RIMS1: variants seen among roughly 807,000 people sequenced by gnomAD.
The protein encoded by RIMS1 is regulating synaptic membrane exocytosis protein 1.
RIMS1 carries 83 observed loss-of-function variants against 214.1 expected under a neutral mutation model. The observed-to-expected ratio is 0.39, with a 90% CI of 0.32 to 0.47. The LOEUF is 0.47. Among genes scored for constraint, RIMS1 ranks in the 20% least tolerant of loss-of-function variants. The probability of loss-of-function intolerance (pLI) is 0.99; values close to 1 mark genes in which losing one functional copy is unlikely to be tolerated. For missense variants in RIMS1, 2,050 were observed against 2,161.8 expected (o/e 0.95, Z 1.03); for synonymous variants, 793 against 786.8 (o/e 1.01, Z -0.13).
intron 4 of RIMS1, among the ~76,000 whole-genome samples, chr6:72,105,107 A>T (rs1041766736): frequency 9.9e-5 from 15 of 151,914 alleles, no homozygotes; most frequent in African/African-American, 2.2e-4. Flanking sequence ...ATTTTTTTTT[A>T]AATTTTTGTA....
intron 2 of RIMS1, among the ~76,000 whole-genome samples, chr6:72,024,640 C>T (rs1815775608): frequency 6.6e-6 from 1 of 152,150 alleles, no homozygotes; most frequent in South Asian, 2.1e-4. Flanking sequence ...ATAATATCTC[C>T]ACCAGCTTTC....
chr6:72,231,563 A>G (rs1004526720), intron 6 of RIMS1, among the ~76,000 whole-genome samples: 1 of 151,678 alleles, frequency 6.6e-6, no homozygotes, highest in Admixed American at 6.6e-5. Flanking sequence ...TTATTACGGG[A>G]TACTGTATGA....
chr6:72,074,568 G>A (rs992470632), intron 2 of RIMS1, among the ~76,000 whole-genome samples: 6 of 152,178 alleles, frequency 3.9e-5, no homozygotes, highest in Admixed American at 3.3e-4. Context: ...AGGAGGCTGA[G>A]GTGGTAGAAT....
chr6:71,907,932 A>T (rs1775745957), intron 1 of RIMS1, among the ~76,000 whole-genome samples: 1 of 152,224 alleles, frequency 6.6e-6, no homozygotes, highest in Non-Finnish European at 1.5e-5. Context: ...GGATTTGGGT[A>T]ACCCTGAGAA....
intron 1 of RIMS1, among the ~76,000 whole-genome samples, chr6:71,904,461 A>G (rs906117066): frequency 6.6e-6 from 1 of 152,096 alleles, no homozygotes; most frequent in Non-Finnish European, 1.5e-5. Context: ...TGCCTGGGGA[A>G]GAGGATCTAG....
At chr6:72,231,396 A>G (rs2061915458) in intron 6 of RIMS1, among the ~76,000 whole-genome samples, 1 of 151,764 alleles carries the variant, frequency 6.6e-6, no homozygotes. Flanking sequence ...GTATAATTGT[A>G]TACTAAAATA....
chr6:72,252,899 G>A (rs796419629), intron 16 of RIMS1, 67 bp downstream of exon 16: 19 of 1,206,910 alleles, frequency 1.6e-5, no homozygotes, highest in African/African-American at 7.5e-5. Flanking sequence ...GTCAGCTTCC[G>A]GACCTCTTTA....
At chr6:72,086,527 G>A (rs1834699190) in intron 2 of RIMS1, among the ~76,000 whole-genome samples, 1 of 152,106 alleles carries the variant, frequency 6.6e-6, no homozygotes, top group African/African-American at 2.4e-5. Flanking sequence ...TAAACAACTT[G>A]TATTTATAAT....
At chr6:72,192,342 G>T (rs1224015463) in intron 6 of RIMS1, among the ~76,000 whole-genome samples, 3 of 152,138 alleles carry the variant, frequency 2.0e-5, no homozygotes, top group Non-Finnish European at 2.9e-5. Context: ...TAAAAGGCTG[G>T]AGGTCTCCCT....
chr6:72,259,116 T>A lies in RIMS1; in HGVS notation c.3053+5T>A. The A allele has an allele frequency of 6.2e-7, 1 of 1,610,532 alleles. No individual in the cohort carries two copies. Among genetic ancestry groups the A allele is most frequent in the Non-Finnish European group, 8.5e-7 (1 of 1,177,752 alleles). ...GTATTTATCAGAACAAGACAGGTAT[T>A]TGTCAAAATTATGATCTCAACGTTA... On this transcript the variant is annotated splice_donor_5th_base_variant and intron_variant, in intron 18 of 33. Transcript: ENST00000521978.
intron 2 of RIMS1, among the ~76,000 whole-genome samples, chr6:72,054,109 G>A (rs1825477738): frequency 6.6e-6 from 1 of 151,528 alleles, no homozygotes; most frequent in East Asian, 2.0e-4. Flanking sequence ...CCTGGTATGT[G>A]TTGTTCCCCT....
chr6:72,299,400 G>A (rs1455163861), intron 26 of RIMS1, among the ~76,000 whole-genome samples: 1 of 151,730 alleles, frequency 6.6e-6, no homozygotes, highest in Non-Finnish European at 1.5e-5. Flanking sequence ...TTATTTATAG[G>A]AACAAAGTAA....
intron 2 of RIMS1, among the ~76,000 whole-genome samples, chr6:72,068,687 A>G (rs1401210695): frequency 2.6e-5 from 4 of 151,854 alleles, no homozygotes; most frequent in African/African-American, 9.7e-5. Flanking sequence ...ACTTTGGGAG[A>G]CTGAGGCGGG....
At chr6:72,301,605 T>A (rs944681760) in intron 26 of RIMS1, among the ~76,000 whole-genome samples, 2 of 151,632 alleles carry the variant, frequency 1.3e-5, no homozygotes, top group Non-Finnish European at 3.0e-5. Flanking sequence ...GAGATTTTTT[T>A]AAGTTGTAAG....
intron 1 of RIMS1, among the ~76,000 whole-genome samples, chr6:71,945,196 C>G (rs1162672534): frequency 1.3e-5 from 2 of 152,122 alleles, no homozygotes; most frequent in Admixed American, 1.3e-4. Context: ...GAGCCAGTAA[C>G]AGCAGAGGAC....
At chr6:72,364,812 C>T (rs905774834) in intron 29 of RIMS1, among the ~76,000 whole-genome samples, 9 of 152,136 alleles carry the variant, frequency 5.9e-5, no homozygotes, top group East Asian at 5.8e-4. Flanking sequence ...TTCCTCTGAG[C>T]GTGAGGAAAT....
intron 2 of RIMS1, among the ~76,000 whole-genome samples, chr6:72,056,640 G>C (rs530171851): frequency 2.0e-5 from 3 of 152,220 alleles, no homozygotes; most frequent in South Asian, 4.2e-4. Flanking sequence ...AGCCCTATGA[G>C]TGCTGCATTT....
chr6:71,916,853 T>C (rs1778585997), intron 1 of RIMS1, among the ~76,000 whole-genome samples: 1 of 152,104 alleles, frequency 6.6e-6, no homozygotes, highest in Admixed American at 6.6e-5. Flanking sequence ...GGATGGGAAG[T>C]GGGACAACCA....
At chr6:72,326,246 C>T (rs947034516) in intron 28 of RIMS1, among the ~76,000 whole-genome samples, 9 of 151,856 alleles carry the variant, frequency 5.9e-5, no homozygotes, top group Non-Finnish European at 1.2e-4. Flanking sequence ...TGGGAACTAT[C>T]CTGACATAGC....
Sources: gnomAD v4.1 joint callset for allele counts (sites outside exome capture counted in the v4.1 genomes callset) on GRCh38, gnomAD v4.1.1 for gene constraint, MANE v1.5 for transcripts, NCBI Gene and HGNC (gene_info 2026-07-23, HGNC 2026-07-21) for gene names.